PHF12: variants seen among roughly 807,000 people sequenced by gnomAD.
The protein encoded by PHF12 is PHD finger protein 12, also known as PHD factor 1.
A neutral mutation model predicts 99.8 loss-of-function variants in PHF12; 6 were observed. That is an observed-to-expected ratio of 0.06 (90% CI 0.03 to 0.12). The LOEUF (loss-of-function observed/expected upper bound fraction) is 0.12, where lower values mean the gene tolerates loss of function less well. PHF12 is among the 10% of genes least tolerant of loss of function. The pLI, the probability that PHF12 is intolerant of heterozygous loss-of-function variation, is 1.00. For missense variants in PHF12, 954 were observed against 1,300.1 expected, an observed-to-expected ratio of 0.73 and a Z score of 4.09; for synonymous variants, 480 against 514.9, an observed-to-expected ratio of 0.93 and a Z score of 0.92.
chr17:28,950,798 C>T lies in PHF12; in HGVS notation c.66+97G>A. 1 of 1,522,924 alleles carries T rather than the reference C, an allele frequency of 6.6e-7. No homozygotes were observed. Among genetic ancestry groups the T allele is most frequent in the South Asian group, 1.2e-5 (1 of 81,466 alleles). 94.3% of individuals were successfully genotyped at this position (1,522,924 alleles called of 1,614,324 possible). A position where few individuals can be genotyped will look rare whatever the true frequency, so the allele number is the denominator to read the frequency against. On this transcript the variant is annotated intron_variant, in intron 1 of 14. Coordinates refer to ENST00000332830, the MANE Select transcript of PHF12 (RefSeq NM_001033561.2). This position sits in a 1 kb window ranked among gnomAD's most constrained non-coding sequence, Gnocchi z 5.7. ...TGAGGAAGAATCCCCCTCCCTCGGC[C>T]ATCTAGGCGCTTCGAGTTTAGGACT... is the stretch of plus-strand genomic sequence containing the variant.
chr17:28,933,796 C>A (rs2040457823), intron 2 of PHF12, among the ~76,000 whole-genome samples: 1 of 152,096 alleles, frequency 6.6e-6, no homozygotes, highest in South Asian at 2.1e-4. Flanking sequence ...ATCTGTAATC[C>A]CAGCACTTTG....
chr17:28,942,433 T>C (rs1355313194), intron 2 of PHF12, among the ~76,000 whole-genome samples: 1 of 150,624 alleles, frequency 6.6e-6, no homozygotes, highest in Non-Finnish European at 1.5e-5. Flanking sequence ...AGGTGGAGGA[T>C]TGCTTGAGAC....
At chr17:28,926,918 G>A (rs138137834) in intron 3 of PHF12, 73 bp downstream of exon 3, 3 of 1,605,952 alleles carry the variant, frequency 1.9e-6, no homozygotes, top group Non-Finnish European at 2.6e-6. Context: ...TCAGGGCTAG[G>A]CCGTCTTAGC....
chr17:28,941,057 T>C (rs1319544766), intron 2 of PHF12, among the ~76,000 whole-genome samples: 6 of 148,590 alleles, frequency 4.0e-5, no homozygotes, highest in East Asian at 2.0e-4. Context: ...TTTTTTTTTT[T>C]CCTGTTCTGG....
Position 28,920,246 on chromosome 17 carries a change from T to C in PHF12, c.837-971A>G, listed in dbSNP as rs141315042. Among the ~76,000 whole-genome samples the C allele has an allele frequency of 8.5e-5, 13 of 152,334 alleles. No homozygotes were observed. In the East Asian group the frequency reaches 2.5e-3, roughly 29 times the overall value. Reference sequence around the variant, plus strand: ...TGCCACTCTACTATCTAGTTCCCTTTCCCTATACCTTTTGCTGTGAAACAT... The same window carrying C: ...TGCCACTCTACTATCTAGTTCCCTTCCCCTATACCTTTTGCTGTGAAACAT... On this transcript the variant is annotated intron_variant, in intron 5 of 14. Coordinates refer to ENST00000332830, the MANE Select transcript of PHF12 (RefSeq NM_001033561.2).
At chr17:28,934,549 T>G (rs1869758387) in intron 2 of PHF12, among the ~76,000 whole-genome samples, 1 of 152,184 alleles carries the variant, frequency 6.6e-6, no homozygotes, top group South Asian at 2.1e-4. Context: ...AAATGAATGT[T>G]TAAGTCTGTC....
chr17:28,915,562 C>T (rs1340253201), intron 7 of PHF12, among the ~76,000 whole-genome samples: 1 of 151,990 alleles, frequency 6.6e-6, no homozygotes, highest in African/African-American at 2.4e-5. Context: ...CATGGGCTTT[C>T]TGAGATCACC....
In PHF12 at chr17:28,919,209, G is replaced by A. The variant is rs753015869; in HGVS notation, c.903C>T (p.Leu301=). The stretch of plus-strand genomic sequence containing the variant: ...GGGGCATGGCAGTGAGCGGCGGCTC[G>A]AGGCAATCCATGTGAAACAGGAGAG... The part of the protein sequence containing the change: ...YCPLLFHMDC[L]EPPLTAMPLG... The change falls in exon 6 of 15, where the codon CTC becomes CTT. Residue 301 remains leucine, a synonymous_variant. Transcript: ENST00000332830. 11 of 1,614,044 alleles carry A rather than the reference G, an allele frequency of 6.8e-6. No individual in the cohort carries two copies. Among genetic ancestry groups the A allele is most frequent in the African/African-American group, 2.7e-5 (2 of 74,926 alleles).
At chr17:28,907,157 T>G in intron 13 of PHF12, 163 bp from the exon 14 acceptor site, 1 of 760,732 alleles carries the variant, frequency 1.3e-6, no homozygotes, top group Non-Finnish European at 2.1e-6. Context: ...TGGAGACACC[T>G]CCTCAGGGAA....
chr17:28,908,988 G>A (rs570376728), intron 11 of PHF12, 107 bp from the exon 12 acceptor site: 201 of 1,014,992 alleles, frequency 2.0e-4, no homozygotes, highest in Non-Finnish European at 2.7e-4. Context: ...AGAAAATCCC[G>A]CTGGATGACT....
chr17:28,927,193 C>T (rs2152668960), intron 2 of PHF12, 130 bp from the exon 3 acceptor site: 1 of 757,446 alleles, frequency 1.3e-6, no homozygotes, highest in East Asian at 2.6e-5. Flanking sequence ...GTTGTCTCCT[C>T]CAAAATGCCT....
intron 2 of PHF12, among the ~76,000 whole-genome samples, chr17:28,938,988 G>A (rs2040562683): frequency 6.6e-6 from 1 of 152,172 alleles, no homozygotes; most frequent in Admixed American, 6.5e-5. Flanking sequence ...GAGCACTCAG[G>A]AAAGCCCTCA....
At position 28,919,279 on chromosome 17, in the gene PHF12, C is replaced by T; in HGVS notation, c.837-4G>A. 7 of 1,607,090 alleles carry T rather than the reference C, an allele frequency of 4.4e-6. No individual in the cohort carries two copies. Among genetic ancestry groups the T allele is most frequent in the Non-Finnish European group, 5.9e-6 (7 of 1,177,306 alleles). On this transcript the variant is annotated splice_region_variant and splice_polypyrimidine_tract_variant and intron_variant, in intron 5 of 14. Transcript: ENST00000332830. The stretch of plus-strand genomic sequence containing the variant: ...GAGAGGAGCCACACGGCAACTCCTG[C>T]AAAAAAGAGATGTTGGCCATTTCTG...
At chr17:28,943,313 G>C (rs538022870) in intron 2 of PHF12, among the ~76,000 whole-genome samples, 9 of 152,226 alleles carry the variant, frequency 5.9e-5, no homozygotes, top group African/African-American at 2.2e-4. Context: ...GTATATCCAA[G>C]AGAAATGAAA....
chr17:28,944,604 A>G (rs2040687935), intron 2 of PHF12: 2 of 721,140 alleles, frequency 2.8e-6, no homozygotes, highest in South Asian at 6.2e-5. Flanking sequence ...CTGAGATCAC[A>G]CCAATGCACT....
chr17:28,906,571 T>G lies in PHF12; in HGVS notation c.2681-54A>C. The G allele has an allele frequency of 6.5e-7, 1 of 1,527,678 alleles. No individual in the cohort carries two copies. The allele number at this position is 1,527,678 out of a possible 1,614,324, so 94.6% of individuals were successfully genotyped here. ...AGGAACAGTGAGCAGCCAACCCATG[T>G]GGGCTGTTTGCCAAGGTTGGGCTCC... On this transcript the variant is annotated intron_variant, in intron 14 of 14. Transcript: ENST00000332830. This position sits in a 1 kb window ranked among gnomAD's most constrained non-coding sequence, Gnocchi z 4.2.
At chr17:28,907,789 C>T in intron 12 of PHF12, 117 bp from the exon 13 acceptor site, 1 of 848,604 alleles carries the variant, frequency 1.2e-6, no homozygotes. Context: ...GCAGAGACTT[C>T]AAGGGTGAGT....
chr17:28,940,168 C>T (rs1335562503), intron 2 of PHF12, among the ~76,000 whole-genome samples: 1 of 152,224 alleles, frequency 6.6e-6, no homozygotes, highest in African/African-American at 2.4e-5. Flanking sequence ...GAAATTTTCA[C>T]CTTGTGTCTG....
intron 2 of PHF12, chr17:28,944,950 A>G (rs1486962151): frequency 6.6e-6 from 1 of 152,206 alleles, no homozygotes; most frequent in Non-Finnish European, 1.5e-5. Flanking sequence ...GAGGAGCTAA[A>G]CACAACAAAA....
Sources: gnomAD v4.1 joint callset for allele counts (sites outside exome capture counted in the v4.1 genomes callset) on GRCh38, gnomAD v4.1.1 for gene constraint, Gnocchi (gnomAD v3.1) non-coding constraint, MANE v1.5 for transcripts, NCBI Gene and HGNC (gene_info 2026-07-23, HGNC 2026-07-21) for gene names.